Variants in TPGS1 observed in about 807,000 individuals in gnomAD.
TPGS1 encodes the protein gene trap ROSA b-geo 22.
Under a neutral mutation model 11.9 loss-of-function variants are expected in TPGS1, and 18 were observed. That is an observed-to-expected ratio of 1.51 (90% CI 1.04 to 2.24). TPGS1 has a LOEUF of 2.24. Among genes scored for constraint, TPGS1 ranks in the 30% most tolerant of loss-of-function variants. The pLI is 0.00. For synonymous variants in TPGS1, 247 were observed against 218.2 expected (o/e 1.13, Z -1.16); for missense variants, 500 against 443.0 (o/e 1.13, Z -1.16).
intron 1 of TPGS1, 51 bp downstream of exon 1, chr19:507,895 C>T: frequency 7.9e-7 from 1 of 1,261,410 alleles, no homozygotes; most frequent in South Asian, 2.5e-5. Context: ...ACTTCAACTC[C>T]CAGCATGCCG....
intron 1 of TPGS1, chr19:510,177 T>A: frequency 6.6e-6 from 1 of 151,924 alleles, no homozygotes; most frequent in East Asian, 1.9e-4. Flanking sequence ...ATCGAGACCA[T>A]CCTGGCTAAC....
At position 518,598 on chromosome 19, in the gene TPGS1, G is replaced by T. The variant is rs377410370; in HGVS notation, c.339-291G>T. 1.2e-3 allele frequency among the ~76,000 whole-genome samples: 156 copies of T among 129,400 alleles called. 11 individuals are homozygous for T. The South Asian group carries it at 0.041, about 34-fold the overall frequency. 84.9% of individuals were successfully genotyped at this position (129,400 alleles called of 152,430 possible). On this transcript the variant is annotated intron_variant, in intron 1 of 1. Transcript: ENST00000359315. Reference sequence around the variant, plus strand: ...AGGGAGGCCTGGGCTGGGGATGCTGGGGGGAGGAGAGGCCCGGGCTGGGGA... The same window carrying T: ...AGGGAGGCCTGGGCTGGGGATGCTGTGGGGAGGAGAGGCCCGGGCTGGGGA...
At chr19:518,842 G>A (rs1264020173) in intron 1 of TPGS1, 47 bp from the exon 2 acceptor site, 3 of 1,462,186 alleles carry the variant, frequency 2.1e-6, no homozygotes, top group Non-Finnish European at 2.7e-6. Flanking sequence ...GCTGGGGCTG[G>A]GTGGGCGCGC....
chr19:516,388 CTTT>C (rs758220492), intron 1 of TPGS1, among the ~76,000 whole-genome samples: 4 of 144,366 alleles, frequency 2.8e-5, no homozygotes. Context: ...TTTTCTTTTT[CTTT>C]TTTTTTTTTT....
At position 507,560 on chromosome 19, in the gene TPGS1, G is replaced by A. The variant is rs61746565; in HGVS notation, c.54G>A (p.Thr18=). The change falls in exon 1 of 2, where the codon ACG becomes ACA. Residue 18 remains threonine, a synonymous_variant. Coordinates refer to ENST00000359315, the MANE Select transcript of TPGS1 (RefSeq NM_033513.3). ...RQAVPPPAGF[T]DSGRQSVSRA... is the part of the protein sequence containing the mutation. Reference sequence around the variant, plus strand: ...CGGTACCACCGCCGGCCGGTTTCACGGACAGCGGCCGCCAGTCGGTATCCC... The same window carrying A: ...CGGTACCACCGCCGGCCGGTTTCACAGACAGCGGCCGCCAGTCGGTATCCC... The A allele has an allele frequency of 1.6e-3, 2,200 of 1,402,490 alleles. 28 individuals are homozygous for A. In the African/African-American group the frequency reaches 0.03, roughly 19 times the overall value. The allele number at this position is 1,402,490 out of a possible 1,614,324, so 86.9% of individuals were successfully genotyped here.
intron 1 of TPGS1, among the ~76,000 whole-genome samples, chr19:511,404 C>A (rs982122273): frequency 2.0e-5 from 3 of 152,276 alleles, no homozygotes; most frequent in Middle Eastern, 3.2e-3. Context: ...TGTGTGTCTT[C>A]CTGCCCCTCA....
chr19:519,251 C>T lies in TPGS1; in HGVS notation c.701C>T (p.Ala234Val), dbSNP rs1397778397. 1.6e-6 allele frequency: 2 copies of T among 1,213,170 alleles called. No homozygotes were observed. Among genetic ancestry groups the T allele is most frequent in the Non-Finnish European group, 2.0e-6 (2 of 977,534 alleles). The allele number at this position is 1,213,170 out of a possible 1,614,324, so 75.2% of individuals were successfully genotyped here. ...GAGGGCGCGCTGCAGGCCAGCGACG[C>T]CGCCGCGCCCGCGCGCTTCCTGGAG... is the stretch of plus-strand genomic sequence containing the variant. ...TLEGALQASD[A>V]AAPARFLEAG... Residue 234 changes from alanine to valine, a missense_variant, in exon 2 of 2, where the codon GCC (alanine) becomes GTC (valine). Physicochemically the swap from Ala to Val is moderately conservative, Grantham distance 64. Coordinates refer to ENST00000359315, the MANE Select transcript of TPGS1 (RefSeq NM_033513.3).
intron 1 of TPGS1, among the ~76,000 whole-genome samples, chr19:517,889 G>A (rs1286075641): frequency 1.4e-4 from 16 of 112,214 alleles, no homozygotes; most frequent in East Asian, 3.0e-4. Flanking sequence ...GCTGGGTGGG[G>A]GCTGGGAGGA....
chr19:516,088 T>TG (rs1367242663), intron 1 of TPGS1, among the ~76,000 whole-genome samples: 1 of 151,326 alleles, frequency 6.6e-6, no homozygotes, highest in Non-Finnish European at 1.5e-5. Flanking sequence ...AAATGTCAGT[T>TG]GTGTTAAATG....
chr19:515,971 G>C (rs1380657259), intron 1 of TPGS1, among the ~76,000 whole-genome samples: 1 of 150,914 alleles, frequency 6.6e-6, no homozygotes, highest in South Asian at 2.1e-4. Context: ...GGCGGAGCTT[G>C]CAGTGAGCCG....
chr19:509,261 G>A (rs1363435294), intron 1 of TPGS1: 1 of 152,326 alleles, frequency 6.6e-6, no homozygotes, highest in African/African-American at 2.4e-5. Flanking sequence ...GAGGAAGATG[G>A]CCTCCCAGGA....
chr19:515,204 T>A (rs1978914760), intron 1 of TPGS1, among the ~76,000 whole-genome samples: 1 of 152,180 alleles, frequency 6.6e-6, no homozygotes, highest in African/African-American at 2.4e-5. Context: ...ACCCTCAGGC[T>A]GACTGTGGGG....
At chr19:507,962 T>C (rs1978675432) in intron 1 of TPGS1, 118 bp downstream of exon 1, 7 of 780,834 alleles carry the variant, frequency 9.0e-6, no homozygotes, top group Non-Finnish European at 1.2e-5. Context: ...CTGGGAGTTG[T>C]AGTGCGCGAT....
At chr19:512,665 G>A (rs1349153506) in intron 1 of TPGS1, among the ~76,000 whole-genome samples, 1 of 152,248 alleles carries the variant, frequency 6.6e-6, no homozygotes, top group Non-Finnish European at 1.5e-5. Context: ...AAGTGGCGGA[G>A]GGATCCGCGG....
chr19:509,889 C>G (rs1048436556), intron 1 of TPGS1: 4 of 152,484 alleles, frequency 2.6e-5, no homozygotes, highest in Admixed American at 6.5e-5. Context: ...CATCCCGGCC[C>G]TGGGCTCGCC....
At chr19:515,773 C>T (rs1196825279) in intron 1 of TPGS1, among the ~76,000 whole-genome samples, 2 of 152,010 alleles carry the variant, frequency 1.3e-5, no homozygotes, top group East Asian at 1.9e-4. Context: ...TGGCTCACGC[C>T]TGTAATCCCA....
chr19:510,260 C>G (rs1978750595), intron 1 of TPGS1: 2 of 152,090 alleles, frequency 1.3e-5, no homozygotes, highest in Non-Finnish European at 2.9e-5. Flanking sequence ...GTAGTCCCAG[C>G]TACTCGGGAG....
At chr19:512,018 C>T (rs769078686) in intron 1 of TPGS1, among the ~76,000 whole-genome samples, 40 of 152,178 alleles carry the variant, frequency 2.6e-4, no homozygotes, top group Non-Finnish European at 5.4e-4. Context: ...ACTACAGGCG[C>T]CCCCACCACA....
chr19:507,598 C>G lies in TPGS1; in HGVS notation c.92C>G (p.Ala31Gly). The change falls in exon 1 of 2, where the codon GCG (alanine) becomes GGG (glycine). Residue 31 changes from alanine to glycine, a missense_variant. Transcript: ENST00000359315. ...GRQSVSRAAG[A>G]AESEEDFLRQ... The stretch of plus-strand genomic sequence containing the variant: ...CAGTCGGTATCCCGGGCGGCGGGGG[C>G]GGCCGAGAGCGAGGAGGACTTCCTG... The G allele has an allele frequency of 7.2e-7, 1 of 1,397,432 alleles. No individual in the cohort carries two copies. The highest frequency in any genetic ancestry group is 1.5e-5 in the South Asian group (1 of 64,990). The allele number at this position is 1,397,432 out of a possible 1,614,324, so 86.6% of individuals were successfully genotyped here. A position where few individuals can be genotyped will look rare whatever the true frequency, so the allele number is the denominator to read the frequency against.
Sources: gnomAD v4.1 joint callset for allele counts (sites outside exome capture counted in the v4.1 genomes callset) on GRCh38, gnomAD v4.1.1 for gene constraint, MANE v1.5 for transcripts, NCBI Gene and HGNC (gene_info 2026-07-23, HGNC 2026-07-21) for gene names.